The following TOX3 variants were observed in gnomAD, a reference collection of about 807,000 sequenced individuals.
TOX3 encodes TOX high mobility group box family member 3.
A neutral mutation model predicts 64.3 loss-of-function variants in TOX3; 22 were observed. The observed-to-expected ratio is 0.34, with a 90% CI of 0.24 to 0.49. The LOEUF is 0.49. TOX3 is among the 20% of genes least tolerant of loss of function. The probability of loss-of-function intolerance (pLI) is 0.99; values close to 1 mark genes in which losing one functional copy is unlikely to be tolerated. For missense variants in TOX3, 661 were observed against 714.4 expected (o/e 0.93, Z 0.85); for synonymous variants, 291 against 273.6 (o/e 1.06, Z -0.63).
intron 2 of TOX3, among the ~76,000 whole-genome samples, chr16:52,464,639 A>T (rs566444500): frequency 3.3e-5 from 5 of 152,222 alleles, no homozygotes; most frequent in Non-Finnish European, 7.3e-5. Context: ...CTGCCACAAC[A>T]TATAAAACAA....
chr16:52,457,364 T>G (rs1454089339), intron 3 of TOX3, among the ~76,000 whole-genome samples: 1 of 152,196 alleles, frequency 6.6e-6, no homozygotes, highest in Non-Finnish European at 1.5e-5. Context: ...TTTTAAATTC[T>G]AATATGCAAA....
chr16:52,543,264 T>C (rs1963112575), intron 1 of TOX3, among the ~76,000 whole-genome samples: 1 of 152,192 alleles, frequency 6.6e-6, no homozygotes, highest in African/African-American at 2.4e-5. Flanking sequence ...AGGGGTTCTT[T>C]GGATTTTGGA....
Position 52,444,323 on chromosome 16 carries a change from C to G in TOX3, c.940G>C (p.Glu314Gln). 1 of 1,589,364 alleles carries G rather than the reference C, an allele frequency of 6.3e-7. No homozygotes were observed. The part of the protein sequence containing the change: ...YKRKTEAAKK[E>Q]YLKALAAYRA... ...TATGCCGCCAGGGCCTTCAGGTATT[C>G]TTTTTTGGCAGCTTCTGTTTTCCTT... Residue 314 changes from glutamate (E) to glutamine (Q), a missense_variant, in exon 6 of 7, where the codon GAA (glutamate) becomes CAA (glutamine). Glu to Gln is a conservative substitution (Grantham distance 29). Transcript: ENST00000219746.
At position 52,438,974 on chromosome 16, in the gene TOX3, A is replaced by T. The variant is rs758072797; in HGVS notation, c.*251T>A. 1 of 661,330 alleles carries T rather than the reference A, an allele frequency of 1.5e-6. No individual in the cohort carries two copies. Among genetic ancestry groups the T allele is most frequent in the South Asian group, 1.4e-5 (1 of 72,198 alleles). 41.0% of individuals were successfully genotyped at this position (661,330 alleles called of 1,614,324 possible). ...ACATATTGTAGGTATAGCCTGAATAAATAAAAAAGGCATCACATAAAAGAG... is the reference window on the plus strand; with the variant it reads ...ACATATTGTAGGTATAGCCTGAATATATAAAAAAGGCATCACATAAAAGAG... On this transcript the variant is annotated 3_prime_UTR_variant, in exon 7 of 7. Transcript: ENST00000219746.
chr16:52,443,414 T>C lies in TOX3; in HGVS notation c.987+862A>G, dbSNP rs1210713358. ...AGCAGCTGCAAATGGTAGATCTTGA[T>C]ACAAATACTTAATACAGATAATATA... is the stretch of plus-strand genomic sequence containing the variant. On this transcript the variant is annotated intron_variant, in intron 6 of 6. Transcript: ENST00000219746. Among the ~76,000 whole-genome samples the C allele has an allele frequency of 3.9e-5, 6 of 152,146 alleles. No homozygotes were observed. In the East Asian group the frequency reaches 7.7e-4, roughly 20 times the overall value.
At chr16:52,518,071 T>C (rs1408229339) in intron 1 of TOX3, among the ~76,000 whole-genome samples, 1 of 152,144 alleles carries the variant, frequency 6.6e-6, no homozygotes, top group Non-Finnish European at 1.5e-5. Flanking sequence ...GCATAAGATC[T>C]GCATTTTTCA....
At chr16:52,490,066 G>A (rs995239382) in intron 1 of TOX3, among the ~76,000 whole-genome samples, 4 of 152,106 alleles carry the variant, frequency 2.6e-5, no homozygotes, top group South Asian at 2.1e-4. Context: ...AAGCTACCGC[G>A]CCCAGCATAT....
intron 1 of TOX3, among the ~76,000 whole-genome samples, chr16:52,546,286 G>T (rs545841669): frequency 6.6e-6 from 1 of 152,182 alleles, no homozygotes; most frequent in South Asian, 2.1e-4. Context: ...ACTCAGTCCA[G>T]GGGGGCTGCG....
intron 1 of TOX3, among the ~76,000 whole-genome samples, chr16:52,535,460 G>C (rs1463201619): frequency 6.6e-6 from 1 of 152,180 alleles, no homozygotes; most frequent in African/African-American, 2.4e-5. Context: ...AGGTTGACTA[G>C]AGGTCAACCT....
chr16:52,515,435 G>C (rs1207605514), intron 1 of TOX3, among the ~76,000 whole-genome samples: 2 of 152,172 alleles, frequency 1.3e-5, no homozygotes, highest in Non-Finnish European at 2.9e-5. Context: ...AGGTTACATA[G>C]CTGGCTGCAT....
At chr16:52,525,535 A>G (rs1478647347) in intron 1 of TOX3, among the ~76,000 whole-genome samples, 1 of 152,206 alleles carries the variant, frequency 6.6e-6, no homozygotes, top group Admixed American at 6.5e-5. Context: ...ACTGCAACCC[A>G]AAGTATCTTT....
rs377243999 is a variant in TOX3 at position 52,458,841 on chromosome 16, A to G, written c.408+5093T>C. 2.6e-5 allele frequency among the ~76,000 whole-genome samples: 4 copies of G among 152,254 alleles called. No individual in the cohort carries two copies. The East Asian group carries it at 7.7e-4, about 29-fold the overall frequency. On this transcript the variant is annotated intron_variant, in intron 3 of 6. Coordinates refer to ENST00000219746, the MANE Select transcript of TOX3 (RefSeq NM_001080430.4). ...TTGTAAAAGTGTCTGTGGCCTGGGT[A>G]TTTTTGGCAGACAATTATCAAGGTA... is the stretch of plus-strand genomic sequence containing the variant.
At chr16:52,499,421 G>A (rs751942560) in intron 1 of TOX3, among the ~76,000 whole-genome samples, 1 of 152,286 alleles carries the variant, frequency 6.6e-6, no homozygotes, top group South Asian at 2.1e-4. Flanking sequence ...ATTAAGGCAA[G>A]ATTCACTGAT....
At chr16:52,450,190 CA>C (rs1396716760) in intron 4 of TOX3, 86 bp downstream of exon 4, 2 of 1,502,048 alleles carry the variant, frequency 1.3e-6, no homozygotes, top group Non-Finnish European at 1.8e-6. Flanking sequence ...TGAAGACAAA[CA>C]AGATAACACC....
chr16:52,467,703 C>T (rs192366866), intron 2 of TOX3, among the ~76,000 whole-genome samples: 1 of 152,192 alleles, frequency 6.6e-6, no homozygotes, highest in East Asian at 1.9e-4. Context: ...TTTAGGAAAC[C>T]ATGTTTTATC....
intron 3 of TOX3, among the ~76,000 whole-genome samples, chr16:52,463,495 G>A (rs971182530): frequency 6.6e-6 from 1 of 152,068 alleles, no homozygotes; most frequent in African/African-American, 2.4e-5. Context: ...TGGTATCTCA[G>A]TTTGGTATTT....
At position 52,438,780 on chromosome 16, in the gene TOX3, T is replaced by C. The variant is rs1195688980; in HGVS notation, c.*445A>G. 8.3e-6 allele frequency: 2 copies of C among 240,520 alleles called. No individual in the cohort carries two copies. The allele number at this position is 240,520 out of a possible 1,614,324, so 14.9% of individuals were successfully genotyped here. On this transcript the variant is annotated 3_prime_UTR_variant, in exon 7 of 7. Transcript: ENST00000219746. ...ATGTTTGTATGAAACTGGATCTTCA[T>C]ATTTCAGGTAGTTACAACTGTGCTT...
chr16:52,497,108 C>A (rs2151461864), intron 1 of TOX3, among the ~76,000 whole-genome samples: 1 of 152,248 alleles, frequency 6.6e-6, no homozygotes, highest in Admixed American at 6.5e-5. Flanking sequence ...AAAAAGCACA[C>A]TCATGTTTAT....
intron 3 of TOX3, among the ~76,000 whole-genome samples, chr16:52,462,819 G>A (rs913456869): frequency 6.6e-6 from 1 of 150,670 alleles, no homozygotes; most frequent in Non-Finnish European, 1.5e-5. Flanking sequence ...TTTCCCGACT[G>A]TTCACTGAAT....
Sources: allele counts gnomAD v4.1 joint callset (sites outside exome capture counted in the v4.1 genomes callset), GRCh38; gene constraint gnomAD v4.1.1; transcripts MANE v1.5; gene names NCBI Gene and HGNC (gene_info 2026-07-23, HGNC 2026-07-21).